OPN5: variants seen among roughly 807,000 people sequenced by gnomAD.
OPN5 encodes the protein opsin-5.
Under a neutral mutation model 41.7 loss-of-function variants are expected in OPN5, and 18 were observed. The observed-to-expected ratio is 0.43, with a 90% CI of 0.30 to 0.64. OPN5 has a LOEUF of 0.64. Among genes scored for constraint, OPN5 ranks in the 30% least tolerant of loss-of-function variants. The pLI is 0.13. For synonymous variants in OPN5, 178 were observed against 164.3 expected, an observed-to-expected ratio of 1.08 and a Z score of -0.64; for missense variants, 318 against 434.5, an observed-to-expected ratio of 0.73 and a Z score of 2.38.
intron 4 of OPN5, among the ~76,000 whole-genome samples, chr6:47,804,377 G>A (rs1773883796): frequency 6.6e-6 from 1 of 152,052 alleles, no homozygotes; most frequent in Non-Finnish European, 1.5e-5. Flanking sequence ...ACTGGCTTAA[G>A]GATATCTGGA....
chr6:47,790,405 T>C (rs202223689), intron 2 of OPN5, among the ~76,000 whole-genome samples: 1 of 146,698 alleles, frequency 6.8e-6, no homozygotes, highest in Admixed American at 7.2e-5. Context: ...CTCTCTCTCT[T>C]TCTCTCTCTC....
intron 6 of OPN5, among the ~76,000 whole-genome samples, chr6:47,814,500 A>G (rs1052866735): frequency 6.6e-6 from 1 of 152,164 alleles, no homozygotes; most frequent in Non-Finnish European, 1.5e-5. Context: ...ATCAATTTGA[A>G]AAATATGATT....
chr6:47,786,071 T>C (rs1175243957), intron 1 of OPN5, among the ~76,000 whole-genome samples: 1 of 152,250 alleles, frequency 6.6e-6, no homozygotes, highest in Non-Finnish European at 1.5e-5. Flanking sequence ...CCTTAGGAGT[T>C]GACAGTGATA....
chr6:47,824,187 C>A (rs1040473904), exon 7 of OPN5: 1 of 597,484 alleles, frequency 1.7e-6, no homozygotes, highest in Non-Finnish European at 3.0e-6. Flanking sequence ...ACTGAGTTAT[C>A]TCATTCTGGT....
At chr6:47,815,949 T>A (rs1262445582) in intron 6 of OPN5, among the ~76,000 whole-genome samples, 1 of 152,158 alleles carries the variant, frequency 6.6e-6, no homozygotes, top group Non-Finnish European at 1.5e-5. Flanking sequence ...TTGAACCCTC[T>A]TTCCTTAGCC....
chr6:47,790,234 T>G (rs775061785), intron 2 of OPN5, among the ~76,000 whole-genome samples: 7 of 152,186 alleles, frequency 4.6e-5, no homozygotes, highest in Non-Finnish European at 1.0e-4. Flanking sequence ...TTTAAAACAG[T>G]GAATTTTTTT....
rs1030447858 is a variant in OPN5 at position 47,821,565 on chromosome 6, A to G, written c.1057-2418A>G. On this transcript the variant is annotated intron_variant, in intron 6 of 6. Coordinates refer to ENST00000371211, the Ensembl canonical transcript of OPN5. ...TTGAACATTTATGTCATCATGGTCA[A>G]TAATTTTCACTGTTTCCAGTTGACT... Among the ~76,000 whole-genome samples, 3 of 152,262 alleles carry G rather than the reference A, an allele frequency of 2.0e-5. No individual in the cohort carries two copies. The South Asian group carries it at 6.2e-4, about 31-fold the overall frequency.
chr6:47,800,380 G>GCTCT lies in OPN5; in HGVS notation c.756+4819_756+4822dup, dbSNP rs565218313. On this transcript the variant is annotated intron_variant, in intron 4 of 6. Coordinates refer to ENST00000371211, the Ensembl canonical transcript of OPN5. ...GGGAATGAAATCATAGGGGGTGGAA[G>GCTCT]CTCTCCTCTTGAGCTGCGTCTGCCC... Among the ~76,000 whole-genome samples, 79 of 152,318 alleles carry GCTCT rather than the reference G, an allele frequency of 5.2e-4. 1 individual carries two copies. The South Asian group carries it at 0.016, about 30-fold the overall frequency.
chr6:47,820,133 TAGAGAGAGAGAG>T (rs5876036), intron 6 of OPN5, among the ~76,000 whole-genome samples: 9 of 149,466 alleles, frequency 6.0e-5, no homozygotes, highest in South Asian at 2.1e-4. Context: ...TCCTTTTGAA[TAGAGAGAGAGAG>T]AGAGAGAGAG....
At chr6:47,808,666 C>T (rs1774071680) in intron 5 of OPN5, among the ~76,000 whole-genome samples, 1 of 152,176 alleles carries the variant, frequency 6.6e-6, no homozygotes, top group Admixed American at 6.5e-5. Context: ...GCAACAACCA[C>T]TATTTATGCA....
chr6:47,796,051 G>T (rs753883675), intron 4 of OPN5, among the ~76,000 whole-genome samples: 34 of 152,208 alleles, frequency 2.2e-4, no homozygotes, highest in Non-Finnish European at 7.3e-5. Context: ...TGGGAAGCTT[G>T]TGTTATGAAC....
downstream of OPN5, chr6:47,825,740 C>T (rs926560086): frequency 6.6e-6 from 1 of 152,080 alleles, no homozygotes; most frequent in Non-Finnish European, 1.5e-5. Context: ...TTTCTATTCC[C>T]CTATTTTTTC....
At chr6:47,824,104 ACCCTGTCAGG>A in exon 7 of OPN5, 1 of 796,690 alleles carries the variant, frequency 1.3e-6, no homozygotes. Context: ...CACTCCACTT[ACCCTGTCAGG>A]AAAAAATAAT....
chr6:47,798,963 C>T lies in OPN5; in HGVS notation c.756+3400C>T, dbSNP rs190447727. ...AGCTGATTACTTAAAGTTTACCTTA[C>T]GGGATTCTGAGATCAAAATCATTTA... On this transcript the variant is annotated intron_variant, in intron 4 of 6. Transcript: ENST00000371211. Among the ~76,000 whole-genome samples the T allele has an allele frequency of 1.6e-4, 25 of 152,146 alleles. No individual in the cohort carries two copies. In the East Asian group the frequency reaches 3.1e-3, roughly 19 times the overall value.
intron 4 of OPN5, among the ~76,000 whole-genome samples, chr6:47,806,701 T>C (rs1346309474): frequency 3.3e-5 from 5 of 152,214 alleles, no homozygotes; most frequent in African/African-American, 1.2e-4. Context: ...TACAAAACCC[T>C]GAATCTTTCT....
At chr6:47,820,003 C>T (rs1441066191) in intron 6 of OPN5, among the ~76,000 whole-genome samples, 1 of 152,202 alleles carries the variant, frequency 6.6e-6, no homozygotes, top group East Asian at 1.9e-4. Context: ...CTGGCCAAAT[C>T]TGGCCCACTG....
exon 7 of OPN5, chr6:47,824,023 A>G (rs536842353): frequency 2.6e-6 from 4 of 1,535,954 alleles, no homozygotes; most frequent in African/African-American, 2.7e-5. Flanking sequence ...GTGCATCTGA[A>G]GTGCTTACAC....
chr6:47,824,635 A>G (rs1328970), exon 7 of OPN5: 41,675 of 152,090 alleles, frequency 0.27, 5,808 homozygotes, highest in African/African-American at 0.29. Context: ...TACAGTTAAT[A>G]TGTAGGTTAC....
At chr6:47,819,336 A>AATATTTTT (rs1554141973) in intron 6 of OPN5, among the ~76,000 whole-genome samples, 1 of 24,328 alleles carries the variant, frequency 4.1e-5, no homozygotes, top group Non-Finnish European at 8.1e-5. Flanking sequence ...GAAAATTAGG[A>AATATTTTT]ATATATATAT....
Sources: gnomAD v4.1 joint callset for allele counts (sites outside exome capture counted in the v4.1 genomes callset) on GRCh38, gnomAD v4.1.1 for gene constraint, MANE v1.5 for transcripts, NCBI Gene and HGNC (gene_info 2026-07-23, HGNC 2026-07-21) for gene names.